NEO1: variants seen among roughly 807,000 people sequenced by gnomAD.
NEO1 encodes the protein neogenin 1.
In NEO1, 63 loss-of-function variants were observed where a neutral mutation model predicts 159.7. That is an observed-to-expected ratio of 0.39 (90% CI 0.32 to 0.49). The LOEUF is 0.49. Among genes scored for constraint, NEO1 ranks in the 20% least tolerant of loss-of-function variants. The probability of loss-of-function intolerance (pLI) is 0.85; values close to 1 mark genes in which losing one functional copy is unlikely to be tolerated. For missense variants in NEO1, 1,615 were observed against 1,831.0 expected, an observed-to-expected ratio of 0.88 and a Z score of 2.15; for synonymous variants, 633 against 662.0, an observed-to-expected ratio of 0.96 and a Z score of 0.67.
intron 7 of NEO1, among the ~76,000 whole-genome samples, chr15:73,181,425 A>C (rs1259022428): frequency 1.3e-5 from 2 of 152,188 alleles, no homozygotes; most frequent in African/African-American, 4.8e-5. Flanking sequence ...CTGTTCTTGC[A>C]TTGCTATAAA....
chr15:73,232,075 C>A (rs1201292829), intron 7 of NEO1, among the ~76,000 whole-genome samples: 1 of 151,986 alleles, frequency 6.6e-6, no homozygotes, highest in East Asian at 1.9e-4. Flanking sequence ...CCTTTTTTAC[C>A]CCTTGATTAT....
chr15:73,054,459 C>T (rs2067607397), intron 1 of NEO1, among the ~76,000 whole-genome samples: 1 of 152,124 alleles, frequency 6.6e-6, no homozygotes. Flanking sequence ...ATGGAGTTTA[C>T]AGTCTGGTGT....
chr15:73,217,717 T>C (rs947718188), intron 7 of NEO1, among the ~76,000 whole-genome samples: 1 of 152,204 alleles, frequency 6.6e-6, no homozygotes. Flanking sequence ...TCACTCATGA[T>C]TTGGCTCTCT....
At position 73,122,413 on chromosome 15, in the gene NEO1, T is replaced by G. The variant is rs1248941630; in HGVS notation, c.449-112T>G. 1.8e-5 allele frequency: 17 copies of G among 952,630 alleles called. No homozygotes were observed. The East Asian group carries it at 4.3e-4, about 24-fold the overall frequency. 59.0% of individuals were successfully genotyped at this position (952,630 alleles called of 1,614,324 possible). On this transcript the variant is annotated intron_variant, in intron 2 of 28. Coordinates refer to ENST00000261908, the MANE Select transcript of NEO1 (RefSeq NM_002499.4). ...TTTCCATGGACTTTCTTCTCAACCC[T>G]GGTTCTGCCATATGTTGTAGCCATG...
chr15:73,293,610 G>A, intron 26 of NEO1, 62 bp downstream of exon 26: 1 of 1,544,762 alleles, frequency 6.5e-7, no homozygotes, highest in Non-Finnish European at 8.9e-7. Context: ...AGCAGAAATG[G>A]GGAAGGACTT....
At chr15:73,274,794 T>TTA in intron 21 of NEO1, 70 bp downstream of exon 21, 5 of 1,457,534 alleles carry the variant, frequency 3.4e-6, no homozygotes, top group African/African-American at 2.9e-5. Flanking sequence ...TGGTTTTTGT[T>TTA]TCTTTTTTTT....
chr15:73,144,396 C>T (rs369563490), intron 5 of NEO1, among the ~76,000 whole-genome samples: 14 of 152,290 alleles, frequency 9.2e-5, no homozygotes, highest in African/African-American at 3.1e-4. Context: ...AACTCTTACA[C>T]ATTTATTACT....
At chr15:73,235,692 C>G (rs2039133416) in intron 7 of NEO1, among the ~76,000 whole-genome samples, 1 of 152,206 alleles carries the variant, frequency 6.6e-6, no homozygotes, top group Non-Finnish European at 1.5e-5. Context: ...GTATAACTTA[C>G]AATGAAGAAG....
intron 7 of NEO1, among the ~76,000 whole-genome samples, chr15:73,223,331 CT>C (rs2038395802): frequency 6.6e-6 from 1 of 152,058 alleles, no homozygotes; most frequent in South Asian, 2.1e-4. Flanking sequence ...TCTATTGTTT[CT>C]TTGTTGACTT....
intron 5 of NEO1, among the ~76,000 whole-genome samples, chr15:73,164,891 A>G (rs2034465262): frequency 6.6e-6 from 1 of 152,192 alleles, no homozygotes; most frequent in South Asian, 2.1e-4. Context: ...GAGAAATACA[A>G]GTTGCAGAAA....
intron 4 of NEO1, among the ~76,000 whole-genome samples, chr15:73,131,346 C>T (rs566665655): frequency 1.8e-4 from 28 of 152,308 alleles, no homozygotes; most frequent in African/African-American, 6.5e-4. Context: ...GAAATCTCAA[C>T]GAAGAAAGAG....
intron 5 of NEO1, among the ~76,000 whole-genome samples, chr15:73,136,947 G>T (rs1449931757): frequency 6.6e-6 from 1 of 152,130 alleles, no homozygotes; most frequent in Non-Finnish European, 1.5e-5. Flanking sequence ...TCACTCCTAA[G>T]AATGAAACTC....
intron 5 of NEO1, among the ~76,000 whole-genome samples, chr15:73,168,021 A>G (rs2034693405): frequency 6.6e-6 from 1 of 152,176 alleles, no homozygotes; most frequent in African/African-American, 2.4e-5. Flanking sequence ...AAAACATTGA[A>G]TTCTTAAGAA....
chr15:73,296,131 C>T (rs1281831849), intron 26 of NEO1, among the ~76,000 whole-genome samples: 1 of 152,190 alleles, frequency 6.6e-6, no homozygotes, highest in Non-Finnish European at 1.5e-5. Context: ...ACCTTTTGCG[C>T]CATCTCTTTG....
At chr15:73,298,238 C>A (rs2292915) in intron 26 of NEO1, 110 bp from the exon 27 acceptor site, 1 of 1,316,420 alleles carries the variant, frequency 7.6e-7, no homozygotes, top group South Asian at 1.4e-5. Flanking sequence ...TAGCACTGAT[C>A]GCAAGTGCTA....
intron 8 of NEO1, among the ~76,000 whole-genome samples, chr15:73,243,467 A>G (rs2039594749): frequency 6.6e-6 from 1 of 152,230 alleles, no homozygotes; most frequent in Non-Finnish European, 1.5e-5. Flanking sequence ...CATGAATGAC[A>G]GTTCCTAAAA....
intron 11 of NEO1, among the ~76,000 whole-genome samples, chr15:73,251,509 G>A (rs2040065030): frequency 9.4e-6 from 1 of 105,936 alleles, no homozygotes; most frequent in African/African-American, 3.3e-5. Context: ...GTGAGAAGCT[G>A]TCTCAAAAAA....
chr15:73,200,848 T>A (rs1018010452), intron 7 of NEO1, among the ~76,000 whole-genome samples: 4 of 151,756 alleles, frequency 2.6e-5, no homozygotes, highest in African/African-American at 9.7e-5. Flanking sequence ...CATGCCCGGC[T>A]AATTTTTGTA....
At chr15:73,250,774 T>A (rs2040030486) in intron 11 of NEO1, among the ~76,000 whole-genome samples, 1 of 152,188 alleles carries the variant, frequency 6.6e-6, no homozygotes, top group Admixed American at 6.5e-5. Flanking sequence ...AAATAAAATA[T>A]GTATGATCTT....
Sources: allele counts gnomAD v4.1 joint callset (sites outside exome capture counted in the v4.1 genomes callset), GRCh38; gene constraint gnomAD v4.1.1; transcripts MANE v1.5; gene names NCBI Gene and HGNC (gene_info 2026-07-23, HGNC 2026-07-21).